ZXDC: variants seen among roughly 807,000 people sequenced by gnomAD.
The protein encoded by ZXDC is ZXD family zinc finger C.
A neutral mutation model predicts 63.6 loss-of-function variants in ZXDC; 58 were observed. The ratio of observed to expected loss-of-function variants is 0.91; its 90% CI spans 0.74 to 1.13. The LOEUF (loss-of-function observed/expected upper bound fraction) is 1.13. ZXDC is among the 50% of genes most tolerant of loss of function. The pLI is 0.00. For missense variants in ZXDC, 1,133 were observed against 1,148.9 expected (o/e 0.99, Z 0.20); for synonymous variants, 561 against 496.1 (o/e 1.13, Z -1.74).
At chr3:126,450,358 T>C (rs775462310) in intron 7 of ZXDC, 6 of 456,584 alleles carry the variant, frequency 1.3e-5, no homozygotes, top group South Asian at 9.3e-5. Context: ...AAGTCTGCAA[T>C]CTGCTTTCCT....
intron 7 of ZXDC, among the ~76,000 whole-genome samples, chr3:126,449,788 T>C (rs897654532): frequency 1.3e-5 from 2 of 152,168 alleles, no homozygotes; most frequent in African/African-American, 2.4e-5. Flanking sequence ...CAGAATGAAC[T>C]GGACCTGCAG....
At chr3:126,440,926 C>G in intron 8 of ZXDC, 13 of 985,720 alleles carry the variant, frequency 1.3e-5, no homozygotes, top group Non-Finnish European at 1.6e-5. Context: ...TTTCCCAACT[C>G]AGAGCCAGCG....
chr3:126,454,748 C>A (rs1934242950), intron 7 of ZXDC: 5 of 985,288 alleles, frequency 5.1e-6, no homozygotes, highest in African/African-American at 1.7e-5. Context: ...GGTATACATA[C>A]CCATTTATAG....
chr3:126,467,828 G>A (rs1934832926), intron 4 of ZXDC, among the ~76,000 whole-genome samples: 1 of 152,182 alleles, frequency 6.6e-6, no homozygotes, highest in African/African-American at 2.4e-5. Context: ...AGGTCACAGA[G>A]CAGAGGCTCT....
chr3:126,441,693 C>T (rs1358842921), intron 8 of ZXDC, 72 bp downstream of exon 8: 6 of 1,470,942 alleles, frequency 4.1e-6, no homozygotes, highest in East Asian at 4.8e-5. Flanking sequence ...TGCAGCATGC[C>T]GCACACTGCT....
intron 7 of ZXDC, chr3:126,454,085 T>G (rs1291711878): frequency 1.1e-6 from 1 of 903,030 alleles, no homozygotes; most frequent in East Asian, 1.2e-4. Flanking sequence ...TGGTAAAGAC[T>G]TTTGTATAGT....
intron 6 of ZXDC, chr3:126,460,222 A>C: frequency 4.7e-6 from 4 of 842,232 alleles, no homozygotes; most frequent in East Asian, 1.2e-4. Context: ...AAAAATAATA[A>C]TGATGGTACT....
At chr3:126,449,008 C>A (rs1034890267) in intron 7 of ZXDC, among the ~76,000 whole-genome samples, 1 of 152,158 alleles carries the variant, frequency 6.6e-6, no homozygotes, top group African/African-American at 2.4e-5. Flanking sequence ...TCCACAGGCA[C>A]GGCACATAGC....
chr3:126,470,000 C>A (rs940884563), intron 4 of ZXDC, among the ~76,000 whole-genome samples: 1 of 152,170 alleles, frequency 6.6e-6, no homozygotes, highest in African/African-American at 2.4e-5. Context: ...AGCGGTAGAG[C>A]CAGACTTTGA....
chr3:126,441,477 G>A, intron 8 of ZXDC: 1 of 1,197,632 alleles, frequency 8.3e-7, no homozygotes, highest in African/African-American at 1.6e-5. Context: ...AGGGAGGCGG[G>A]CTACTCTGGG....
In ZXDC at chr3:126,449,722, G is replaced by A. The variant is rs1243177110; in HGVS notation, c.2213-7776C>T. Among the ~76,000 whole-genome samples, 3 of 152,304 alleles carry A rather than the reference G, an allele frequency of 2.0e-5. No individual in the cohort carries two copies. In the East Asian group the frequency reaches 5.8e-4, roughly 29 times the overall value. The stretch of plus-strand genomic sequence containing the variant: ...AGGGACTTTCCACTGGGCTGCCAAG[G>A]CCGACCTTCACCCTCAATCACCTGA... On this transcript the variant is annotated intron_variant, in intron 7 of 9. Transcript: ENST00000389709.
At chr3:126,443,576 G>A (rs1341059682) in intron 7 of ZXDC, among the ~76,000 whole-genome samples, 1 of 152,146 alleles carries the variant, frequency 6.6e-6, no homozygotes, top group African/African-American at 2.4e-5. Flanking sequence ...CAGACTTGCT[G>A]GATACAGGTT....
At chr3:126,448,146 G>C (rs1933951666) in intron 7 of ZXDC, among the ~76,000 whole-genome samples, 1 of 152,250 alleles carries the variant, frequency 6.6e-6, no homozygotes, top group South Asian at 2.1e-4. Context: ...GAACTGTGCA[G>C]GGCACACCGT....
At chr3:126,460,240 G>C in intron 6 of ZXDC, 14 of 783,428 alleles carry the variant, frequency 1.8e-5, no homozygotes, top group Non-Finnish European at 2.2e-5. Context: ...ACTGAATTCA[G>C]GAACTTGCCT....
chr3:126,462,273 A>T (rs1934588576), intron 5 of ZXDC, 53 bp from the exon 6 acceptor site: 1 of 1,524,392 alleles, frequency 6.6e-7, no homozygotes, highest in Admixed American at 2.0e-5. Flanking sequence ...AAGACTGAGT[A>T]CTTTTGTTTA....
At chr3:126,466,132 T>G (rs946150270) in intron 5 of ZXDC, 23 bp downstream of exon 5, 1 of 1,599,984 alleles carries the variant, frequency 6.3e-7, no homozygotes, top group Non-Finnish European at 8.5e-7. Flanking sequence ...CAGCTCCCCA[T>G]GGGGGCCGTG....
chr3:126,461,309 T>C, intron 6 of ZXDC: 1 of 1,351,158 alleles, frequency 7.4e-7, no homozygotes, highest in Non-Finnish European at 9.5e-7. Flanking sequence ...AGAAAGCATT[T>C]AGCCAAATCT....
intron 7 of ZXDC, among the ~76,000 whole-genome samples, chr3:126,452,815 G>A (rs1011850456): frequency 2.0e-5 from 3 of 150,656 alleles, no homozygotes; most frequent in Admixed American, 6.6e-5. Flanking sequence ...CCTAGCTCAC[G>A]ACAACCTCCA....
intron 7 of ZXDC, among the ~76,000 whole-genome samples, chr3:126,445,100 G>C (rs551782118): frequency 2.5e-4 from 38 of 152,306 alleles, no homozygotes; most frequent in Middle Eastern, 3.4e-3. Context: ...GTCTCAGGTA[G>C]TCCTGTAGAC....
Sources: gnomAD v4.1 joint callset for allele counts (sites outside exome capture counted in the v4.1 genomes callset) on GRCh38, gnomAD v4.1.1 for gene constraint, MANE v1.5 for transcripts, NCBI Gene and HGNC (gene_info 2026-07-23, HGNC 2026-07-21) for gene names.